Variants in RALGAPB observed in about 807,000 individuals in gnomAD.
RALGAPB encodes the protein ral GTPase-activating protein subunit beta.
Under a neutral mutation model 161.1 loss-of-function variants are expected in RALGAPB, and 25 were observed. The ratio of observed to expected loss-of-function variants is 0.16; its 90% CI spans 0.11 to 0.22. The LOEUF (loss-of-function observed/expected upper bound fraction) is 0.22. RALGAPB is among the 10% of genes least tolerant of loss of function. RALGAPB has a pLI of 1.00. For synonymous variants in RALGAPB, 629 were observed against 626.1 expected (o/e 1.00, Z -0.07); for missense variants, 1,391 against 1,815.2 (o/e 0.77, Z 4.25).
chr20:38,569,596 A>C (rs558872564), intron 26 of RALGAPB: 10 of 292,346 alleles, frequency 3.4e-5, no homozygotes, highest in Admixed American at 2.6e-4. Flanking sequence ...TTAAGCCCTC[A>C]TTAAGATACT....
At chr20:38,475,618 C>CTTT (rs1230898524) in intron 1 of RALGAPB, among the ~76,000 whole-genome samples, 1 of 139,186 alleles carries the variant, frequency 7.2e-6, no homozygotes. Context: ...TTTTTTTTTT[C>CTTT]TTTTTTTTTT....
intron 13 of RALGAPB, among the ~76,000 whole-genome samples, chr20:38,528,544 G>A (rs895183660): frequency 6.6e-6 from 1 of 151,446 alleles, no homozygotes; most frequent in African/African-American, 2.4e-5. Context: ...CTAATTTTTT[G>A]TTGTTGTTAG....
rs961992131 is a variant in RALGAPB at position 38,578,180 on chromosome 20, T to C, written c.*3213T>C. 6.6e-6 allele frequency: 1 copy of C among 152,236 alleles called. No homozygotes were observed. Among genetic ancestry groups the C allele is most frequent in the African/African-American group, 2.4e-5 (1 of 41,458 alleles). 9.4% of individuals were successfully genotyped at this position (152,236 alleles called of 1,614,324 possible). On this transcript the variant is annotated 3_prime_UTR_variant, in exon 30 of 30. Coordinates refer to ENST00000262879, the MANE Select transcript of RALGAPB (RefSeq NM_020336.4). ...TCTCTTCCTGAAAAGAACTGATTGC[T>C]GTGTTTACATGAAATGACATTGGAG... is the stretch of plus-strand genomic sequence containing the variant.
intron 5 of RALGAPB, among the ~76,000 whole-genome samples, chr20:38,503,872 C>T (rs1245427170): frequency 6.6e-6 from 1 of 152,182 alleles, no homozygotes; most frequent in Non-Finnish European, 1.5e-5. Context: ...CCTTCCTGAT[C>T]AGTCTGCAGC....
At chr20:38,501,687 G>A (rs908438526) in intron 5 of RALGAPB, among the ~76,000 whole-genome samples, 3 of 152,110 alleles carry the variant, frequency 2.0e-5, no homozygotes, top group African/African-American at 4.8e-5. Context: ...TTACAGGCAT[G>A]AGCCACTGTG....
At chr20:38,499,421 A>G (rs760960660) in intron 4 of RALGAPB, 26 bp from the exon 5 acceptor site, 2 of 1,551,626 alleles carry the variant, frequency 1.3e-6, no homozygotes, top group South Asian at 2.4e-5. Flanking sequence ...AGTTTGCCAA[A>G]GATGTGTTTT....
intron 4 of RALGAPB, 32 bp from the exon 5 acceptor site, chr20:38,499,415 T>C (rs199873106): frequency 6.5e-7 from 1 of 1,540,160 alleles, no homozygotes; most frequent in Non-Finnish European, 8.8e-7. Context: ...AAAATAAGTT[T>C]GCCAAAGATG....
At position 38,502,542 on chromosome 20, in the gene RALGAPB, A is replaced by G. The variant is rs8122896; in HGVS notation, c.740+2909A>G. On this transcript the variant is annotated intron_variant, in intron 5 of 29. Coordinates refer to ENST00000262879, the MANE Select transcript of RALGAPB (RefSeq NM_020336.4). ...CAGATGACATAAACTTATGGTATCA[A>G]TAAACACAGTACAGTGCTGTAAATG... is the stretch of plus-strand genomic sequence containing the variant. 2.7e-3 allele frequency among the ~76,000 whole-genome samples: 404 copies of G among 152,346 alleles called. 1 individual carries two copies. The highest frequency in any genetic ancestry group is 9.3e-3 in the African/African-American group (385 of 41,580).
At chr20:38,517,680 T>C (rs371347794) in intron 8 of RALGAPB, 26 bp downstream of exon 8, 2 of 1,612,148 alleles carry the variant, frequency 1.2e-6, no homozygotes, top group African/African-American at 2.7e-5. Flanking sequence ...ACCATTGTTA[T>C]GCTATATAAG....
Position 38,472,855 on chromosome 20 carries a change from C to T in RALGAPB, c.-245C>T. 1 of 399,108 alleles carries T rather than the reference C, an allele frequency of 2.5e-6. No individual in the cohort carries two copies. Among genetic ancestry groups the T allele is most frequent in the Non-Finnish European group, 4.4e-6 (1 of 226,100 alleles). 24.7% of individuals were successfully genotyped at this position (399,108 alleles called of 1,614,324 possible). A position where few individuals can be genotyped will look rare whatever the true frequency, so the allele number is the denominator to read the frequency against. On this transcript the variant is annotated 5_prime_UTR_variant, in exon 1 of 30. Transcript: ENST00000262879. Reference sequence around the variant, plus strand: ...CGCCGCCCCTGGCAGTCGGAAGTTGCCTGAGCAGATCCCAGCCGGCTGGCT... The same window carrying T: ...CGCCGCCCCTGGCAGTCGGAAGTTGTCTGAGCAGATCCCAGCCGGCTGGCT...
chr20:38,523,195 G>A (rs928625562), intron 10 of RALGAPB, among the ~76,000 whole-genome samples: 1 of 152,094 alleles, frequency 6.6e-6, no homozygotes, highest in Admixed American at 6.5e-5. Context: ...CCTTGGTCTA[G>A]GTGACCATCA....
At chr20:38,565,223 C>G in intron 24 of RALGAPB, 136 bp from the exon 25 acceptor site, 1 of 917,322 alleles carries the variant, frequency 1.1e-6, no homozygotes, top group Non-Finnish European at 1.6e-6. Flanking sequence ...TTTATTCTTT[C>G]ATACTAATTG....
chr20:38,549,595 C>T (rs2087300067), intron 20 of RALGAPB, among the ~76,000 whole-genome samples: 1 of 149,848 alleles, frequency 6.7e-6, no homozygotes. Context: ...TACACACACA[C>T]ACACACATAT....
intron 25 of RALGAPB, 117 bp from the exon 26 acceptor site, chr20:38,566,979 C>A: frequency 2.1e-6 from 3 of 1,441,150 alleles, no homozygotes; most frequent in Admixed American, 2.6e-5. Context: ...CCCTTGCTCT[C>A]GAAGCAATGC....
chr20:38,523,292 C>G (rs140345697), intron 10 of RALGAPB, among the ~76,000 whole-genome samples: 1 of 152,294 alleles, frequency 6.6e-6, no homozygotes, highest in Non-Finnish European at 1.5e-5. Flanking sequence ...TAGTCAGCTA[C>G]AGTTGTGAAG....
chr20:38,574,338 T>C, intron 29 of RALGAPB, 40 bp downstream of exon 29: 1 of 1,549,392 alleles, frequency 6.5e-7, no homozygotes, highest in South Asian at 1.2e-5. Flanking sequence ...AAATTTTCTT[T>C]TTCTTTATCA....
At chr20:38,501,623 C>G (rs1441300501) in intron 5 of RALGAPB, among the ~76,000 whole-genome samples, 1 of 152,086 alleles carries the variant, frequency 6.6e-6, no homozygotes, top group Non-Finnish European at 1.5e-5. Context: ...AGTCTGGTCT[C>G]CAACTCCTAG....
chr20:38,556,995 C>G (rs1339769056), intron 22 of RALGAPB, among the ~76,000 whole-genome samples: 1 of 152,098 alleles, frequency 6.6e-6, no homozygotes, highest in Non-Finnish European at 1.5e-5. Context: ...TGCCCTAGAC[C>G]TTGCTAGGAA....
chr20:38,492,100 C>T (rs1315180041), intron 2 of RALGAPB, among the ~76,000 whole-genome samples: 1 of 152,186 alleles, frequency 6.6e-6, no homozygotes, highest in South Asian at 2.1e-4. Context: ...TACCACATGA[C>T]AGAATAGTAT....
Sources: gnomAD v4.1 joint callset for allele counts (sites outside exome capture counted in the v4.1 genomes callset) on GRCh38, gnomAD v4.1.1 for gene constraint, MANE v1.5 for transcripts, NCBI Gene and HGNC (gene_info 2026-07-23, HGNC 2026-07-21) for gene names.